The following SLC4A4 variants were observed in gnomAD, a reference collection of about 807,000 sequenced individuals.
SLC4A4 encodes the protein electrogenic sodium bicarbonate cotransporter 1.
A neutral mutation model predicts 111.5 loss-of-function variants in SLC4A4; 27 were observed. The ratio of observed to expected loss-of-function variants is 0.24; its 90% confidence interval spans 0.18 to 0.33. SLC4A4 has a LOEUF of 0.33. SLC4A4 is among the 10% of genes least tolerant of loss of function. SLC4A4 has a pLI of 1.00. For missense variants in SLC4A4, 909 were observed against 1,315.5 expected, an observed-to-expected ratio of 0.69 and a Z score of 4.78; for synonymous variants, 443 against 463.4, an observed-to-expected ratio of 0.96 and a Z score of 0.57.
chr4:71,115,102 C>T (rs551040034), intron 2 of SLC4A4, among the ~76,000 whole-genome samples: 175 of 148,272 alleles, frequency 1.2e-3, no homozygotes, highest in African/African-American at 3.9e-3. Flanking sequence ...AACCAAACAC[C>T]GCATATTCTC....
intron 1 of SLC4A4, among the ~76,000 whole-genome samples, chr4:71,212,336 G>A (rs148676405): frequency 6.6e-6 from 1 of 152,298 alleles, no homozygotes; most frequent in South Asian, 2.1e-4. Flanking sequence ...TCACCATCCT[G>A]TGTTGAATCC....
chr4:71,295,852 G>T (rs185655577), intron 3 of SLC4A4, among the ~76,000 whole-genome samples: 1 of 151,930 alleles, frequency 6.6e-6, no homozygotes, highest in Non-Finnish European at 1.5e-5. Context: ...AGAGACAGGG[G>T]TTTCACCATG....
intron 1 of SLC4A4, among the ~76,000 whole-genome samples, chr4:71,187,759 G>C (rs1745549623): frequency 6.6e-6 from 1 of 152,158 alleles, no homozygotes; most frequent in Admixed American, 6.5e-5. Context: ...CACGTGTGTT[G>C]CTGTGAGCCT....
chr4:71,117,050 C>T (rs1464024312), intron 2 of SLC4A4, among the ~76,000 whole-genome samples: 6 of 152,108 alleles, frequency 3.9e-5, no homozygotes, highest in African/African-American at 1.4e-4. Flanking sequence ...GACCATGGCT[C>T]ACTAAAGCCC....
intron 2 of SLC4A4, among the ~76,000 whole-genome samples, chr4:71,174,515 T>C (rs549975867): frequency 6.7e-4 from 102 of 152,300 alleles, no homozygotes; most frequent in African/African-American, 2.4e-3. Context: ...CCCAAAGTGC[T>C]GGTATTACAG....
chr4:71,543,057 G>A (rs528361042), intron 18 of SLC4A4, among the ~76,000 whole-genome samples: 24 of 152,210 alleles, frequency 1.6e-4, no homozygotes, highest in African/African-American at 5.1e-4. Flanking sequence ...ATGTGACACC[G>A]CAAATGTGGC....
intron 2 of SLC4A4, among the ~76,000 whole-genome samples, chr4:71,144,265 G>A (rs917715784): frequency 2.9e-4 from 44 of 152,060 alleles, no homozygotes; most frequent in Non-Finnish European, 4.7e-4. Flanking sequence ...GTAGATATGC[G>A]GCATTATTTC....
intron 8 of SLC4A4, among the ~76,000 whole-genome samples, chr4:71,443,278 G>A (rs1027218499): frequency 5.3e-5 from 8 of 151,196 alleles, no homozygotes; most frequent in African/African-American, 1.9e-4. Flanking sequence ...AACCTCCTGA[G>A]CAGCTGGGAT....
At chr4:71,412,041 C>T (rs188783143) in intron 7 of SLC4A4, among the ~76,000 whole-genome samples, 5 of 152,264 alleles carry the variant, frequency 3.3e-5, no homozygotes, top group Admixed American at 1.3e-4. Context: ...AGACATAATA[C>T]GTTATTATCA....
chr4:71,305,590 G>C (rs1332994145), intron 3 of SLC4A4, among the ~76,000 whole-genome samples: 1 of 152,238 alleles, frequency 6.6e-6, no homozygotes, highest in Non-Finnish European at 1.5e-5. Context: ...TTGGAGTAGA[G>C]CTGGGATATG....
chr4:71,070,162 CTT>C, intron 1 of SLC4A4, among the ~76,000 whole-genome samples: 1 of 152,308 alleles, frequency 6.6e-6, no homozygotes, highest in African/African-American at 2.4e-5. Context: ...GAATGAATGA[CTT>C]TACTAGTGTA....
At chr4:71,482,359 C>T (rs1306661575) in intron 14 of SLC4A4, among the ~76,000 whole-genome samples, 1 of 151,364 alleles carries the variant, frequency 6.6e-6, no homozygotes, top group Non-Finnish European at 1.5e-5. Flanking sequence ...TTTTGAGAGC[C>T]AATGTGCTTT....
intron 6 of SLC4A4, among the ~76,000 whole-genome samples, chr4:71,377,994 G>A (rs911726115): frequency 2.0e-5 from 3 of 152,086 alleles, no homozygotes; most frequent in Non-Finnish European, 2.9e-5. Context: ...ATAAGCAAAA[G>A]CAGAAACCCC....
At chr4:71,168,189 T>G (rs1744834857) in intron 2 of SLC4A4, among the ~76,000 whole-genome samples, 1 of 147,454 alleles carries the variant, frequency 6.8e-6, no homozygotes. Context: ...TTTTTTTTTT[T>G]TTTTTTTTTT....
At chr4:71,268,049 G>T (rs969057741) in intron 3 of SLC4A4, among the ~76,000 whole-genome samples, 2 of 133,138 alleles carry the variant, frequency 1.5e-5, no homozygotes. Context: ...TTATTCCTAT[G>T]ATATCAGTGT....
At chr4:71,310,138 A>G (rs2148852458) in intron 3 of SLC4A4, among the ~76,000 whole-genome samples, 1 of 152,168 alleles carries the variant, frequency 6.6e-6, no homozygotes, top group South Asian at 2.1e-4. Context: ...TAGAGAAAAA[A>G]GAATGAAAAG....
Position 71,466,586 on chromosome 4 carries a change from A to C in SLC4A4, c.1631+9A>C. 8 of 1,612,728 alleles carry C rather than the reference A, an allele frequency of 5.0e-6. No homozygotes were observed. The highest frequency in any genetic ancestry group is 6.8e-6 in the Non-Finnish European group (8 of 1,179,026). On this transcript the variant is annotated intron_variant, in intron 13 of 25. Coordinates refer to ENST00000264485, the MANE Select transcript of SLC4A4 (RefSeq NM_001098484.3). ...CTATTTAATTTCAGCAAGTATGTAC[A>C]TACATATTTAATTGCAAATTAGAAT...
intron 7 of SLC4A4, chr4:71,434,543 T>C (rs1465685079): frequency 2.6e-5 from 4 of 155,466 alleles, no homozygotes; most frequent in African/African-American, 9.6e-5. Flanking sequence ...TGCTAAGGAA[T>C]GTTACTTCAT....
intron 3 of SLC4A4, among the ~76,000 whole-genome samples, chr4:71,280,313 A>G (rs1187590438): frequency 1.3e-5 from 2 of 152,164 alleles, no homozygotes; most frequent in African/African-American, 2.4e-5. Flanking sequence ...CCCGTATTAG[A>G]TATATGGTTT....
Sources: allele counts gnomAD v4.1 joint callset (sites outside exome capture counted in the v4.1 genomes callset), GRCh38; gene constraint gnomAD v4.1.1; transcripts MANE v1.5; gene names NCBI Gene and HGNC (gene_info 2026-07-23, HGNC 2026-07-21).